STK32B: variants seen among roughly 807,000 people sequenced by gnomAD.
STK32B encodes serine/threonine kinase 32B, also known as serine/threonine-protein kinase 32B.
A neutral mutation model predicts 52.6 loss-of-function variants in STK32B; 43 were observed. That is an observed-to-expected ratio of 0.82 (90% CI 0.64 to 1.05). The LOEUF is 1.05. STK32B is among the 50% of genes least tolerant of loss of function. The probability of loss-of-function intolerance (pLI) is 0.00; values close to 1 mark genes in which losing one functional copy is unlikely to be tolerated. For synonymous variants in STK32B, 238 were observed against 204.3 expected (o/e 1.17, Z -1.41); for missense variants, 621 against 534.6 (o/e 1.16, Z -1.59).
intron 11 of STK32B, among the ~76,000 whole-genome samples, chr4:5,496,506 C>G (rs1720263821): frequency 6.6e-6 from 1 of 150,900 alleles, no homozygotes; most frequent in Admixed American, 6.6e-5. Flanking sequence ...GGAAAGGGAA[C>G]TCCCTGACCC....
chr4:5,474,021 GGAGAATCACTT>G (rs1375720451), intron 11 of STK32B, among the ~76,000 whole-genome samples: 2 of 152,122 alleles, frequency 1.3e-5, no homozygotes, highest in African/African-American at 4.8e-5. Flanking sequence ...GGCTAAGTCA[GGAGAATCACTT>G]GAACCCGGGA....
At chr4:5,166,208 C>T (rs981630312) in intron 2 of STK32B, among the ~76,000 whole-genome samples, 4 of 151,968 alleles carry the variant, frequency 2.6e-5, no homozygotes, top group Admixed American at 1.3e-4. Context: ...GCGTTATTGC[C>T]GGCGTGTCCC....
chr4:5,252,147 A>G (rs1232639428), intron 3 of STK32B, among the ~76,000 whole-genome samples: 1 of 152,190 alleles, frequency 6.6e-6, no homozygotes, highest in Admixed American at 6.5e-5. Flanking sequence ...TAAAAAGAGT[A>G]GTTTCTGTGA....
At chr4:5,223,861 C>T (rs1421245202) in intron 3 of STK32B, among the ~76,000 whole-genome samples, 2 of 150,196 alleles carry the variant, frequency 1.3e-5, no homozygotes, top group East Asian at 2.0e-4. Flanking sequence ...AACTTTAAGA[C>T]TTAATGTTGT....
chr4:5,033,532 C>T, the STK32B span, among the ~76,000 whole-genome samples: 10 of 152,254 alleles, frequency 6.6e-5, no homozygotes, highest in African/African-American at 1.7e-4. Flanking sequence ...GTTGCTGGCA[C>T]GGCAAGCAGT....
At chr4:5,166,689 C>A (rs1190166835) in intron 2 of STK32B, among the ~76,000 whole-genome samples, 1 of 151,760 alleles carries the variant, frequency 6.6e-6, no homozygotes, top group African/African-American at 2.4e-5. Context: ...GGGGGCAGGA[C>A]CCTGCTGACA....
At chr4:5,260,494 T>C (rs2108843957) in intron 3 of STK32B, among the ~76,000 whole-genome samples, 1 of 152,268 alleles carries the variant, frequency 6.6e-6, no homozygotes, top group East Asian at 1.9e-4. Flanking sequence ...CCTTTAACTC[T>C]GCCTGGAATG....
intron 6 of STK32B, among the ~76,000 whole-genome samples, chr4:5,445,848 G>A (rs769234745): frequency 2.1e-5 from 3 of 144,118 alleles, no homozygotes; most frequent in Non-Finnish European, 4.6e-5. Context: ...ACAGCCCCTA[G>A]CAACTTCCAA....
chr4:5,368,599 TA>T (rs1356562496), intron 4 of STK32B, among the ~76,000 whole-genome samples: 1 of 152,196 alleles, frequency 6.6e-6, no homozygotes, highest in Non-Finnish European at 1.5e-5. Flanking sequence ...CCCAAGGTCA[TA>T]GGGGATGTAA....
chr4:5,328,060 C>G (rs567270268), intron 3 of STK32B, among the ~76,000 whole-genome samples: 20 of 152,270 alleles, frequency 1.3e-4, no homozygotes, highest in African/African-American at 4.8e-4. Flanking sequence ...TTGCTAGCTT[C>G]CAGCTCTTTT....
In STK32B at chr4:5,400,942, G is replaced by A. The variant is rs956722172; in HGVS notation, c.472+2698G>A. On this transcript the variant is annotated intron_variant, in intron 5 of 11. Coordinates refer to ENST00000282908, the MANE Select transcript of STK32B (RefSeq NM_018401.3). The surrounding 1 kb of genome is among the most constrained non-coding windows in gnomAD (Gnocchi z 6.1). ...TGTGGGGAAGCTCAGGAGAGGTCGGGCAGAGGGGAGAGGGAAAGGTGTGTG... is the reference window on the plus strand; with the variant it reads ...TGTGGGGAAGCTCAGGAGAGGTCGGACAGAGGGGAGAGGGAAAGGTGTGTG... Among the ~76,000 whole-genome samples, 5 of 152,102 alleles carry A rather than the reference G, an allele frequency of 3.3e-5. No individual in the cohort carries two copies. The highest frequency in any genetic ancestry group is 2.1e-4 in the South Asian group (1 of 4,826).
intron 3 of STK32B, among the ~76,000 whole-genome samples, chr4:5,177,686 T>A (rs562794690): frequency 1.3e-5 from 2 of 152,186 alleles, no homozygotes; most frequent in African/African-American, 4.8e-5. Context: ...AGGGTACAGG[T>A]ATTAGGTAAA....
At chr4:5,464,174 G>T (rs1400614665) in intron 9 of STK32B, among the ~76,000 whole-genome samples, 1 of 152,172 alleles carries the variant, frequency 6.6e-6, no homozygotes, top group African/African-American at 2.4e-5. Context: ...ACTATTGTGA[G>T]GACAGCACCT....
At chr4:5,247,484 G>C (rs1234121720) in intron 3 of STK32B, among the ~76,000 whole-genome samples, 2 of 152,080 alleles carry the variant, frequency 1.3e-5, no homozygotes, top group African/African-American at 4.8e-5. Context: ...CCCTTTCTTT[G>C]ACTAGGAAAG....
chr4:5,281,844 G>GT (rs1728219247), intron 3 of STK32B, among the ~76,000 whole-genome samples: 1 of 152,106 alleles, frequency 6.6e-6, no homozygotes, highest in Non-Finnish European at 1.5e-5. Flanking sequence ...TATTTCTTAA[G>GT]TTGGATAATG....
At chr4:5,229,885 G>C (rs1026762649) in intron 3 of STK32B, among the ~76,000 whole-genome samples, 6 of 152,160 alleles carry the variant, frequency 3.9e-5, no homozygotes, top group African/African-American at 1.4e-4. Flanking sequence ...CAGAGATCAA[G>C]TAGTTACACT....
At chr4:5,068,732 AT>A (rs1172914219) in intron 1 of STK32B, among the ~76,000 whole-genome samples, 4 of 152,220 alleles carry the variant, frequency 2.6e-5, no homozygotes, top group African/African-American at 7.2e-5. Context: ...CTTTAATAGA[AT>A]TTTTTTGCAA....
chr4:5,268,542 T>G (rs956426928), intron 3 of STK32B, among the ~76,000 whole-genome samples: 1 of 59,440 alleles, frequency 1.7e-5, no homozygotes, highest in African/African-American at 2.0e-4. Flanking sequence ...TGGTGTGGTG[T>G]GTGTGTGTGT....
chr4:5,327,291 A>G (rs1731945543), intron 3 of STK32B, among the ~76,000 whole-genome samples: 1 of 150,524 alleles, frequency 6.6e-6, no homozygotes, highest in Non-Finnish European at 1.5e-5. Flanking sequence ...TTTCTCATGA[A>G]TCATGAATGT....
Sources: allele counts gnomAD v4.1 joint callset (sites outside exome capture counted in the v4.1 genomes callset), GRCh38; gene constraint gnomAD v4.1.1; non-coding constraint Gnocchi (gnomAD v3.1); transcripts MANE v1.5; gene names NCBI Gene and HGNC (gene_info 2026-07-23, HGNC 2026-07-21).